Variants in VPS13B observed in about 807,000 individuals in gnomAD.
VPS13B encodes the protein intermembrane lipid transfer protein VPS13B.
A neutral mutation model predicts 426.4 loss-of-function variants in VPS13B; 285 were observed. The ratio of observed to expected loss-of-function variants is 0.67; its 90% CI spans 0.61 to 0.74. The LOEUF (loss-of-function observed/expected upper bound fraction) is 0.74. Among genes scored for constraint, VPS13B ranks in the 30% least tolerant of loss-of-function variants. The probability of loss-of-function intolerance (pLI) is 0.00; values close to 1 mark genes in which losing one functional copy is unlikely to be tolerated. For synonymous variants in VPS13B, 1,676 were observed against 1,676.4 expected, an observed-to-expected ratio of 1.00 and a Z score of 0.01; for missense variants, 4,537 against 4,782.6, an observed-to-expected ratio of 0.95 and a Z score of 1.51.
At chr8:99,699,131 CT>C (rs370004663) in intron 35 of VPS13B, among the ~76,000 whole-genome samples, 2,052 of 90,550 alleles carry the variant, frequency 0.023, 9 homozygotes, top group African/African-American at 0.049. Flanking sequence ...TAAGGAAAGT[CT>C]TTTTTTTTTT....
chr8:99,744,172 G>A (rs369917369), intron 39 of VPS13B, among the ~76,000 whole-genome samples: 11 of 152,088 alleles, frequency 7.2e-5, no homozygotes, highest in Admixed American at 3.3e-4. Flanking sequence ...ATGAACAGAC[G>A]CTTCTCGAAA....
intron 51 of VPS13B, among the ~76,000 whole-genome samples, chr8:99,825,152 C>T (rs1229500473): frequency 1.3e-5 from 2 of 152,206 alleles, no homozygotes; most frequent in East Asian, 1.9e-4. Flanking sequence ...GGAATTGCCA[C>T]ACTGTGTTCC....
intron 43 of VPS13B, 115 bp downstream of exon 43, chr8:99,784,591 G>A: frequency 7.3e-7 from 1 of 1,377,404 alleles, no homozygotes; most frequent in Non-Finnish European, 1.0e-6. Context: ...GAACCACACA[G>A]CGTAGCTACA....
At chr8:99,196,212 T>C (rs1813912533) in intron 17 of VPS13B, among the ~76,000 whole-genome samples, 1 of 152,118 alleles carries the variant, frequency 6.6e-6, no homozygotes, top group Non-Finnish European at 1.5e-5. Flanking sequence ...TTGTGTTTTT[T>C]TTTAGTTTCT....
At chr8:99,243,320 A>G (rs1439772691) in intron 17 of VPS13B, among the ~76,000 whole-genome samples, 1 of 152,190 alleles carries the variant, frequency 6.6e-6, no homozygotes, top group Non-Finnish European at 1.5e-5. Context: ...TTATTAGGCT[A>G]GTTTCCTGGA....
At chr8:99,312,838 C>G (rs1414687905) in intron 19 of VPS13B, among the ~76,000 whole-genome samples, 1 of 152,230 alleles carries the variant, frequency 6.6e-6, no homozygotes, top group Non-Finnish European at 1.5e-5. Context: ...TTCACATAGT[C>G]CCATATTTCT....
chr8:99,290,469 C>T (rs1391688647), intron 19 of VPS13B, among the ~76,000 whole-genome samples: 2 of 151,780 alleles, frequency 1.3e-5, no homozygotes, highest in Non-Finnish European at 2.9e-5. Flanking sequence ...AACACTTGGA[C>T]ACAGGAAGGG....
chr8:99,406,722 A>G (rs929594966), intron 21 of VPS13B, among the ~76,000 whole-genome samples: 4 of 152,202 alleles, frequency 2.6e-5, no homozygotes, highest in African/African-American at 9.7e-5. Flanking sequence ...CAGGTAATGT[A>G]TGACATGGCT....
chr8:99,713,815 T>C (rs1365926334), intron 36 of VPS13B, among the ~76,000 whole-genome samples: 1 of 152,130 alleles, frequency 6.6e-6, no homozygotes, highest in Non-Finnish European at 1.5e-5. Context: ...TGAAATATTT[T>C]GTGGCCTGAA....
chr8:99,524,827 G>C (rs533285048), intron 30 of VPS13B, among the ~76,000 whole-genome samples: 103 of 152,126 alleles, frequency 6.8e-4, no homozygotes, highest in Non-Finnish European at 1.1e-3. Flanking sequence ...CTGAGCTCCA[G>C]TATGTCTGGC....
intron 3 of VPS13B, among the ~76,000 whole-genome samples, chr8:99,079,873 C>A (rs556694231): frequency 1.3e-5 from 2 of 150,230 alleles, no homozygotes; most frequent in Non-Finnish European, 3.0e-5. Flanking sequence ...TGTGGTGAGC[C>A]GAGATGGCGC....
In VPS13B at chr8:99,321,171, C is replaced by T. The variant is rs1356369900; in HGVS notation, c.2824+45917C>T. ...GATTTTAGGTTGTTTTAGAAGCTGA[C>T]GGTATTTTTACTCACAATTTTCTTT... On this transcript the variant is annotated intron_variant, in intron 19 of 61. Coordinates refer to ENST00000357162, the MANE Select transcript of VPS13B (RefSeq NM_152564.5). Among the ~76,000 whole-genome samples, 12 of 150,346 alleles carry T rather than the reference C, an allele frequency of 8.0e-5. No homozygotes were observed. The East Asian group carries it at 1.2e-3, about 15-fold the overall frequency.
intron 35 of VPS13B, among the ~76,000 whole-genome samples, chr8:99,689,732 G>T (rs1446047135): frequency 1.3e-5 from 2 of 152,176 alleles, no homozygotes; most frequent in African/African-American, 2.4e-5. Flanking sequence ...CCACAATGGT[G>T]CCTGAGATAT....
Position 99,853,942 on chromosome 8 carries a change from CTTTG to C in VPS13B, c.10558_10561del (p.Phe3520ThrfsTer35), listed in dbSNP as rs1354326532. ...GACACATTTGTATACTACATCAAGACTTTGTTTGACACCTACCTTCCTAACAGCA... is the reference window on the plus strand; with the variant it reads ...GACACATTTGTATACTACATCAAGACTTTGACACCTACCTTCCTAACAGCA... On this transcript the variant is annotated frameshift_variant, in exon 56 of 62. Transcript: ENST00000357162. LOFTEE classifies it high-confidence loss of function. The C allele has an allele frequency of 1.9e-6, 3 of 1,614,138 alleles. No homozygotes were observed. Among genetic ancestry groups the C allele is most frequent in the Non-Finnish European group, 2.5e-6 (3 of 1,180,054 alleles).
intron 19 of VPS13B, among the ~76,000 whole-genome samples, chr8:99,356,567 A>C (rs980138964): frequency 2.0e-5 from 3 of 152,272 alleles, no homozygotes; most frequent in East Asian, 3.9e-4. Context: ...GGATCTCTTG[A>C]GCCCAGGAGA....
chr8:99,581,219 A>T (rs1826043960), intron 33 of VPS13B, among the ~76,000 whole-genome samples: 3 of 152,066 alleles, frequency 2.0e-5, no homozygotes, highest in Admixed American at 6.6e-5. Flanking sequence ...GGGATTATGT[A>T]TTAGTGGAGG....
intron 30 of VPS13B, among the ~76,000 whole-genome samples, chr8:99,552,869 C>G (rs1288527385): frequency 3.3e-5 from 5 of 151,844 alleles, no homozygotes; most frequent in Admixed American, 2.0e-4. Context: ...TTTACATGCA[C>G]TTAGTTGTGT....
chr8:99,299,352 G>A (rs1004774358), intron 19 of VPS13B, among the ~76,000 whole-genome samples: 4 of 151,960 alleles, frequency 2.6e-5, no homozygotes, highest in African/African-American at 9.7e-5. Flanking sequence ...GTGAGCCACT[G>A]TACCCGGCCA....
intron 41 of VPS13B, among the ~76,000 whole-genome samples, chr8:99,777,897 C>A (rs971765736): frequency 8.6e-5 from 13 of 151,932 alleles, no homozygotes; most frequent in African/African-American, 3.1e-4. Flanking sequence ...AGGTTTTTGA[C>A]CTACATGTAA....
Sources: gnomAD v4.1 joint callset for allele counts (sites outside exome capture counted in the v4.1 genomes callset) on GRCh38, gnomAD v4.1.1 for gene constraint, MANE v1.5 for transcripts, NCBI Gene and HGNC (gene_info 2026-07-23, HGNC 2026-07-21) for gene names.